The following ANKRD40 variants were observed in gnomAD, a reference collection of about 807,000 sequenced individuals.
The protein encoded by ANKRD40 is ankyrin repeat domain-containing protein 40.
A neutral mutation model predicts 35.5 loss-of-function variants in ANKRD40; 24 were observed. The ratio of observed to expected loss-of-function variants is 0.68; its 90% confidence interval spans 0.49 to 0.95. The LOEUF is 0.95. Among genes scored for constraint, ANKRD40 ranks in the 40% least tolerant of loss-of-function variants. The pLI is 0.00. For missense variants in ANKRD40, 361 were observed against 436.0 expected, an observed-to-expected ratio of 0.83 and a Z score of 1.53; for synonymous variants, 147 against 173.5, an observed-to-expected ratio of 0.85 and a Z score of 1.20.
chr17:50,700,444 G>C, intron 2 of ANKRD40, 124 bp downstream of exon 2: 1 of 1,047,300 alleles, frequency 9.5e-7, no homozygotes, highest in South Asian at 1.8e-5. Context: ...ACTCCGTCTC[G>C]GAAAAAAAAA....
chr17:50,705,909 T>C (rs1968331072), intron 1 of ANKRD40, among the ~76,000 whole-genome samples: 1 of 152,168 alleles, frequency 6.6e-6, no homozygotes, highest in Admixed American at 6.5e-5. Context: ...TCTGCCCACC[T>C]TGGCCTCCCA....
At position 50,707,706 on chromosome 17, in the gene ANKRD40, G is replaced by C. The variant is rs1207285968; in HGVS notation, c.-52C>G. On this transcript the variant is annotated 5_prime_UTR_variant, in exon 1 of 5. Coordinates refer to ENST00000285243, the MANE Select transcript of ANKRD40 (RefSeq NM_052855.4). The surrounding 1 kb of genome is among the most constrained non-coding windows in gnomAD (Gnocchi z 4.8). ...AGGCCCGCCTGCCCCGCCCCGCCCG[G>C]GGCCTGTCAGCGCCGCCGCCGTCGC... is the stretch of plus-strand genomic sequence containing the variant. 8.0e-7 allele frequency: 1 copy of C among 1,244,458 alleles called. No homozygotes were observed. The highest frequency in any genetic ancestry group is 1.6e-5 in the African/African-American group (1 of 63,654). 77.1% of individuals were successfully genotyped at this position (1,244,458 alleles called of 1,614,324 possible).
intron 2 of ANKRD40, 28 bp downstream of exon 2, chr17:50,700,540 T>C: frequency 6.2e-7 from 1 of 1,606,534 alleles, no homozygotes; most frequent in Non-Finnish European, 8.5e-7. Flanking sequence ...TCTGAGGAAA[T>C]CAAAAGTTCC....
Position 50,696,975 on chromosome 17 carries a change from T to C in ANKRD40, c.925A>G (p.Lys309Glu). The stretch of plus-strand genomic sequence containing the variant: ...AGAGTATTGGGTAACTTTCTGATCT[T>C]CTCCACTTGATCTGGATTAACACCC... ...ELGVNPDQVE[K>E]IRKLPNTLLR... The change falls in exon 4 of 5, where the codon AAG becomes GAG. Residue 309 changes from lysine to glutamate, a missense_variant. Lys to Glu is a moderately conservative substitution (Grantham distance 56, BLOSUM62 1). Around this residue, in one of 5 missense-constraint regions of ANKRD40, gnomAD observed 93 missense variants for 129.6 expected, o/e 0.72. Coordinates refer to ENST00000285243, the MANE Select transcript of ANKRD40 (RefSeq NM_052855.4). The C allele has an allele frequency of 6.2e-7, 1 of 1,612,604 alleles. No homozygotes were observed. The highest frequency in any genetic ancestry group is 8.5e-7 in the Non-Finnish European group (1 of 1,179,398).
In ANKRD40 at chr17:50,696,942, T is replaced by TAACCAATAC; in HGVS notation, c.957_958insGTATTGGTT (p.Arg319_Lys320insValLeuVal). 1 of 1,597,708 alleles carries TAACCAATAC rather than the reference T, an allele frequency of 6.3e-7. No individual in the cohort carries two copies. Among genetic ancestry groups the TAACCAATAC allele is most frequent in the Non-Finnish European group, 8.5e-7 (1 of 1,173,132 alleles). ...ATTCATGCTTAGACTTTTCTTACCT[T>TAACCAATAC]CCTTAACAGAGTATTGGGTAACTTT... On this transcript the variant is annotated inframe_insertion, in exon 4 of 5. Transcript: ENST00000285243.
chr17:50,704,569 A>C (rs1353929599), intron 1 of ANKRD40, among the ~76,000 whole-genome samples: 1 of 151,744 alleles, frequency 6.6e-6, no homozygotes, highest in Non-Finnish European at 1.5e-5. Flanking sequence ...GCTACCTCAG[A>C]ATCACTTCAC....
chr17:50,693,307 A>G lies in ANKRD40; in HGVS notation c.*2690T>C, dbSNP rs1026641869. 4 of 152,242 alleles carry G rather than the reference A, an allele frequency of 2.6e-5. No individual in the cohort carries two copies. Among genetic ancestry groups the G allele is most frequent in the Non-Finnish European group, 5.9e-5 (4 of 68,050 alleles). The allele number at this position is 152,242 out of a possible 1,614,324, so 9.4% of individuals were successfully genotyped here. Reference sequence around the variant, plus strand: ...CACACAGTGTGAACACATGCTTTAAATATGCAGTGGAGGAGGAGGGGTGAA... The same window carrying G: ...CACACAGTGTGAACACATGCTTTAAGTATGCAGTGGAGGAGGAGGGGTGAA... On this transcript the variant is annotated 3_prime_UTR_variant, in exon 5 of 5. Transcript: ENST00000285243.
intron 1 of ANKRD40, among the ~76,000 whole-genome samples, chr17:50,701,602 C>G (rs940416096): frequency 1.3e-5 from 2 of 152,174 alleles, no homozygotes; most frequent in Non-Finnish European, 2.9e-5. Flanking sequence ...TTCAGAGCAA[C>G]TAAATCCATC....
chr17:50,700,833 C>T, intron 1 of ANKRD40, 117 bp from the exon 2 acceptor site: 1 of 915,272 alleles, frequency 1.1e-6, no homozygotes, highest in Non-Finnish European at 1.5e-6. Flanking sequence ...AACCAGGTAA[C>T]CGGGCTGGTA....
intron 3 of ANKRD40, 53 bp from the exon 4 acceptor site, chr17:50,697,174 T>G: frequency 1.3e-6 from 2 of 1,492,936 alleles, no homozygotes; most frequent in South Asian, 2.5e-5. Context: ...GCACAGCCCA[T>G]GTTGTTTAAG....
chr17:50,705,357 G>A (rs1429897493), intron 1 of ANKRD40, among the ~76,000 whole-genome samples: 1 of 150,952 alleles, frequency 6.6e-6, no homozygotes, highest in Non-Finnish European at 1.5e-5. Context: ...GTAATTCACA[G>A]CTTTGAACCA....
Position 50,697,389 on chromosome 17 carries a change from C to A in ANKRD40, c.779-268G>T, listed in dbSNP as rs553234921. On this transcript the variant is annotated intron_variant, in intron 3 of 4. Transcript: ENST00000285243. ...AGCAAGGCAGGGGAAACCATTCCAGCTATGTAGAAGGATAATTTACTTCTG... is the reference window on the plus strand; with the variant it reads ...AGCAAGGCAGGGGAAACCATTCCAGATATGTAGAAGGATAATTTACTTCTG... Among the ~76,000 whole-genome samples the A allele has an allele frequency of 1.1e-4, 16 of 152,296 alleles. No homozygotes were observed. In the South Asian group the frequency reaches 3.3e-3, roughly 32 times the overall value.
At chr17:50,700,397 C>T (rs911723043) in intron 2 of ANKRD40, 171 bp downstream of exon 2, 43 of 625,122 alleles carry the variant, frequency 6.9e-5, no homozygotes, top group Non-Finnish European at 8.7e-5. Flanking sequence ...GAGCCGAGAT[C>T]ACGCCACTGC....
At chr17:50,698,479 A>T (rs1186501494) in intron 3 of ANKRD40, among the ~76,000 whole-genome samples, 1 of 152,242 alleles carries the variant, frequency 6.6e-6, no homozygotes, top group Non-Finnish European at 1.5e-5. Flanking sequence ...ATAAGTAGAG[A>T]AAGAATGATA....
intron 2 of ANKRD40, 96 bp downstream of exon 2, chr17:50,700,472 A>G: frequency 1.8e-6 from 2 of 1,096,932 alleles, no homozygotes; most frequent in South Asian, 1.7e-5. Flanking sequence ...AAAGAAATAG[A>G]GCAGTTGTTT....
intron 1 of ANKRD40, among the ~76,000 whole-genome samples, chr17:50,701,900 G>A (rs1375735611): frequency 1.3e-5 from 2 of 152,158 alleles, no homozygotes; most frequent in African/African-American, 2.4e-5. Flanking sequence ...GGCTGGCTGG[G>A]AGCAATTCCA....
chr17:50,704,341 C>G (rs1418412529), intron 1 of ANKRD40, among the ~76,000 whole-genome samples: 4 of 151,838 alleles, frequency 2.6e-5, no homozygotes, highest in Non-Finnish European at 1.5e-5. Flanking sequence ...ATGGTGAAAC[C>G]CCATTTCTAC....
Position 50,694,667 on chromosome 17 carries a change from T to C in ANKRD40, c.*1330A>G, listed in dbSNP as rs891609373. The C allele has an allele frequency of 2.6e-5, 4 of 152,202 alleles. No individual in the cohort carries two copies. The highest frequency in any genetic ancestry group is 4.4e-5 in the Non-Finnish European group (3 of 68,046). 9.4% of individuals were successfully genotyped at this position (152,202 alleles called of 1,614,324 possible). ...GAAAGGAAAAGAATCCTTGAATGCA[T>C]TCTTCTAAAAAATTCCTATGCCATA... On this transcript the variant is annotated 3_prime_UTR_variant, in exon 5 of 5. Coordinates refer to ENST00000285243, the MANE Select transcript of ANKRD40 (RefSeq NM_052855.4).
intron 1 of ANKRD40, among the ~76,000 whole-genome samples, chr17:50,702,025 AAG>A (rs2146658319): frequency 6.6e-6 from 1 of 152,344 alleles, no homozygotes; most frequent in South Asian, 2.1e-4. Flanking sequence ...TGGGAAAAAT[AAG>A]AGTCTCGTTA....
Sources: gnomAD v4.1 joint callset for allele counts (sites outside exome capture counted in the v4.1 genomes callset) on GRCh38, gnomAD v4.1.1 for gene constraint, gnomAD v4.1.1 regional missense constraint, Gnocchi (gnomAD v3.1) non-coding constraint, MANE v1.5 for transcripts, NCBI Gene and HGNC (gene_info 2026-07-23, HGNC 2026-07-21) for gene names.